ZNF385D: variants seen among roughly 807,000 people sequenced by gnomAD.
ZNF385D encodes the protein zinc finger protein 385D.
ZNF385D carries 15 observed loss-of-function variants against 35.8 expected under a neutral mutation model. The ratio of observed to expected loss-of-function variants is 0.42; its 90% CI spans 0.28 to 0.64. The LOEUF (loss-of-function observed/expected upper bound fraction) is 0.64, where lower values mean the gene tolerates loss of function less well. Among genes scored for constraint, ZNF385D ranks in the 30% least tolerant of loss-of-function variants. The pLI is 0.23. For synonymous variants in ZNF385D, 212 were observed against 186.8 expected, an observed-to-expected ratio of 1.13 and a Z score of -1.10; for missense variants, 474 against 494.6, an observed-to-expected ratio of 0.96 and a Z score of 0.39.
chr3:22,160,074 C>T (rs1436212899), intron 3 of ZNF385D, among the ~76,000 whole-genome samples: 1 of 152,006 alleles, frequency 6.6e-6, no homozygotes, highest in African/African-American at 2.4e-5. Flanking sequence ...TTCCTGCCAC[C>T]TTGTGAAGAA....
chr3:21,898,212 A>T (rs1050081831), intron 3 of ZNF385D, among the ~76,000 whole-genome samples: 3 of 152,190 alleles, frequency 2.0e-5, no homozygotes, highest in Non-Finnish European at 4.4e-5. Context: ...CATTTCAGTG[A>T]TGTTCGATAT....
At chr3:22,113,979 TAATTA>T (rs1301671602) in intron 3 of ZNF385D, among the ~76,000 whole-genome samples, 4 of 152,096 alleles carry the variant, frequency 2.6e-5, no homozygotes, top group South Asian at 2.1e-4. Context: ...ACCTTTAACA[TAATTA>T]AATTGAGAAA....
intron 4 of ZNF385D, among the ~76,000 whole-genome samples, chr3:21,503,652 A>T (rs1022553579): frequency 1.3e-5 from 2 of 152,182 alleles, no homozygotes; most frequent in African/African-American, 4.8e-5. Context: ...TGCAGGAAAT[A>T]AAAGAATCCA....
chr3:22,196,013 G>A (rs1468839034), intron 2 of ZNF385D, among the ~76,000 whole-genome samples: 1 of 151,872 alleles, frequency 6.6e-6, no homozygotes, highest in Non-Finnish European at 1.5e-5. Flanking sequence ...TACACATTGG[G>A]GTCTTTTCGA....
At chr3:21,774,567 A>G (rs776948536) in intron 3 of ZNF385D, among the ~76,000 whole-genome samples, 5 of 151,916 alleles carry the variant, frequency 3.3e-5, no homozygotes, top group Admixed American at 6.6e-5. Flanking sequence ...GGAATCACAA[A>G]GCCCAAAGAT....
intron 3 of ZNF385D, among the ~76,000 whole-genome samples, chr3:21,863,357 T>G (rs1697162724): frequency 6.6e-6 from 1 of 152,174 alleles, no homozygotes; most frequent in South Asian, 2.1e-4. Context: ...GTAATATATT[T>G]TCTCTTTTTC....
chr3:22,266,305 A>T (rs981562962), intron 2 of ZNF385D, among the ~76,000 whole-genome samples: 1 of 151,940 alleles, frequency 6.6e-6, no homozygotes, highest in East Asian at 1.9e-4. Context: ...CAAGATACCT[A>T]TGTTCACTCA....
At chr3:22,216,544 G>C (rs992766033) in intron 2 of ZNF385D, among the ~76,000 whole-genome samples, 1 of 152,084 alleles carries the variant, frequency 6.6e-6, no homozygotes, top group Non-Finnish European at 1.5e-5. Context: ...CATTGACCCA[G>C]ATGTGAAAAT....
rs541971066 is a variant in ZNF385D, at chr3:22,050,363, A to AAAAC, written c.325+118450_325+118453dup. Among the ~76,000 whole-genome samples, 217 of 151,958 alleles carry AAAAC rather than the reference A, an allele frequency of 1.4e-3. 2 individuals carry two copies. Among genetic ancestry groups the AAAAC allele is most frequent in the African/African-American group, 4.4e-3 (184 of 41,486 alleles). On this transcript the variant is annotated intron_variant, in intron 3 of 5. Transcript: ENST00000494108. ...AGTGACAGAGCAAGACTCTGTCAAAAAAACAAACAAACAAACAAACAAAAA... is the reference window on the plus strand; with the variant it reads ...AGTGACAGAGCAAGACTCTGTCAAAAAAACAAACAAACAAACAAACAAACAAAAA...
chr3:21,521,321 C>A (rs754398112), intron 3 of ZNF385D, among the ~76,000 whole-genome samples: 3 of 152,164 alleles, frequency 2.0e-5, no homozygotes, highest in Non-Finnish European at 2.9e-5. Flanking sequence ...TGGAGTCTAC[C>A]CATATTCAAT....
At chr3:21,447,981 C>A (rs1702246050) in intron 4 of ZNF385D, among the ~76,000 whole-genome samples, 1 of 152,134 alleles carries the variant, frequency 6.6e-6, no homozygotes, top group Non-Finnish European at 1.5e-5. Flanking sequence ...ATTATCCCAT[C>A]TGGACTCAGG....
intron 3 of ZNF385D, among the ~76,000 whole-genome samples, chr3:21,958,419 A>C (rs1447079536): frequency 6.6e-6 from 1 of 152,132 alleles, no homozygotes; most frequent in Non-Finnish European, 1.5e-5. Flanking sequence ...GGAAATAATA[A>C]TATTTCTCCA....
chr3:21,419,930 G>C lies in ZNF385D; in HGVS notation c.*1284C>G, dbSNP rs1194306808. ...AAACATCAACTTCTTTCAGCCTGAT[G>C]GTGAATATCAAAGGCTCTCAGTATT... On this transcript the variant is annotated 3_prime_UTR_variant, in exon 8 of 8. Transcript: ENST00000281523. The C allele has an allele frequency of 6.6e-6, 1 of 151,886 alleles. No individual in the cohort carries two copies. Among genetic ancestry groups the C allele is most frequent in the Admixed American group, 6.6e-5 (1 of 15,240 alleles). The allele number at this position is 151,886 out of a possible 1,614,324, so 9.4% of individuals were successfully genotyped here.
At chr3:22,280,511 T>C (rs1011219134) in intron 2 of ZNF385D, among the ~76,000 whole-genome samples, 2 of 152,048 alleles carry the variant, frequency 1.3e-5, no homozygotes, top group Non-Finnish European at 1.5e-5. Context: ...CCCAGCACCA[T>C]TTGTTGAATA....
chr3:21,540,793 G>A (rs1026435754), intron 3 of ZNF385D, among the ~76,000 whole-genome samples: 5 of 151,974 alleles, frequency 3.3e-5, no homozygotes, highest in African/African-American at 7.3e-5. Flanking sequence ...TCTACTTCTC[G>A]AAGTACCACT....
intron 3 of ZNF385D, among the ~76,000 whole-genome samples, chr3:21,555,106 CTCT>C (rs2062686956): frequency 6.6e-6 from 1 of 152,126 alleles, no homozygotes; most frequent in African/African-American, 2.4e-5. Context: ...TTCAGCCTAA[CTCT>C]TCTTTTGACA....
At chr3:21,769,755 C>A (rs1171499967) in intron 3 of ZNF385D, among the ~76,000 whole-genome samples, 2 of 137,260 alleles carry the variant, frequency 1.5e-5, no homozygotes, top group African/African-American at 5.7e-5. Context: ...TCATATGGAA[C>A]CAAAAAAGAG....
At chr3:21,464,720 A>C (rs1011810097) in intron 4 of ZNF385D, among the ~76,000 whole-genome samples, 4 of 144,318 alleles carry the variant, frequency 2.8e-5, no homozygotes, top group Admixed American at 6.7e-5. Context: ...TCAATTATTT[A>C]CAGCTGCCAA....
chr3:21,837,740 C>T (rs981172348), intron 3 of ZNF385D, among the ~76,000 whole-genome samples: 4 of 151,786 alleles, frequency 2.6e-5, no homozygotes, highest in Non-Finnish European at 4.4e-5. Flanking sequence ...GGTGTGGTGG[C>T]GTGCGCCTGT....
Sources: gnomAD v4.1 joint callset for allele counts (sites outside exome capture counted in the v4.1 genomes callset) on GRCh38, gnomAD v4.1.1 for gene constraint, MANE v1.5 for transcripts, NCBI Gene and HGNC (gene_info 2026-07-23, HGNC 2026-07-21) for gene names.